GK: variants seen among roughly 807,000 people sequenced by gnomAD.
GK encodes ATP:glycerol 3-phosphotransferase.
A neutral mutation model predicts 56.4 loss-of-function variants in GK; 9 were observed. The observed-to-expected ratio is 0.16, with a 90% CI of 0.10 to 0.28. The LOEUF (loss-of-function observed/expected upper bound fraction) is 0.28. Among genes scored for constraint, GK ranks in the 10% least tolerant of loss-of-function variants. The pLI is 1.00. For synonymous variants in GK, 104 were observed against 144.1 expected (o/e 0.72, Z 1.99); for missense variants, 161 against 431.4 (o/e 0.37, Z 5.55).
intron 11 of GK, among the ~76,000 whole-genome samples, chrX:30,701,272 G>A: frequency 9.0e-6 from 1 of 111,269 alleles, no homozygotes; most frequent in African/African-American, 3.3e-5. Context: ...AGCCGGGCGT[G>A]TTGGTGCATG....
chrX:30,664,872 T>C (rs898643127), intron 1 of GK, among the ~76,000 whole-genome samples: 1 of 108,767 alleles, frequency 9.2e-6, no homozygotes, highest in South Asian at 4.0e-4. Flanking sequence ...CCTGGCTAAT[T>C]TTTTGTGTTT....
intron 1 of GK, among the ~76,000 whole-genome samples, chrX:30,656,587 G>C (rs759907167): frequency 9.0e-6 from 1 of 110,821 alleles, no homozygotes; most frequent in Non-Finnish European, 1.9e-5. Flanking sequence ...TCCTCAAACC[G>C]TTATTCAGAA....
chrX:30,720,757 T>C lies in GK; in HGVS notation c.1357+16T>C. On this transcript the variant is annotated intron_variant, in intron 17 of 20. Coordinates refer to ENST00000427190, the MANE Select transcript of GK (RefSeq NM_001205019.2). ...ATACCAGTAGGTTAGTAAGTCTTCATTCCTTTAAACTCCCAGAGTAATGTT... is the reference window on the plus strand; with the variant it reads ...ATACCAGTAGGTTAGTAAGTCTTCACTCCTTTAAACTCCCAGAGTAATGTT... 1 of 1,209,151 alleles carries C rather than the reference T, an allele frequency of 8.3e-7. No homozygotes were observed. Among genetic ancestry groups the C allele is most frequent in the Non-Finnish European group, 1.1e-6 (1 of 892,960 alleles).
chrX:30,699,539 A>T (rs1003734367), intron 9 of GK, among the ~76,000 whole-genome samples: 2 of 106,887 alleles, frequency 1.9e-5, no homozygotes, highest in African/African-American at 6.8e-5. Context: ...TAATTTTGGT[A>T]TTTTTGTGGA....
chrX:30,705,490 C>A (rs1179988552), intron 11 of GK, among the ~76,000 whole-genome samples: 1 of 112,702 alleles, frequency 8.9e-6, no homozygotes, highest in East Asian at 2.8e-4. Context: ...GGGGTCAACC[C>A]CCCTGCCCCT....
At chrX:30,662,829 C>T (rs1569141045) in intron 1 of GK, among the ~76,000 whole-genome samples, 26 of 10,195 alleles carry the variant, frequency 2.6e-3, no homozygotes, top group African/African-American at 6.9e-3. Context: ...CTCTCTCTCT[C>T]TCTCTTTCTT....
At chrX:30,701,076 A>C (rs1266429146) in intron 11 of GK, among the ~76,000 whole-genome samples, 171 bp downstream of exon 11, 1 of 112,556 alleles carries the variant, frequency 8.9e-6, no homozygotes, top group Non-Finnish European at 1.9e-5. Flanking sequence ...AATAAAATAC[A>C]AAATGCCATA....
At chrX:30,675,812 T>G (rs1933853916) in intron 3 of GK, among the ~76,000 whole-genome samples, 1 of 109,632 alleles carries the variant, frequency 9.1e-6, no homozygotes, top group African/African-American at 3.3e-5. Context: ...TTTTTTGAGA[T>G]ACAGTCTCCC....
At chrX:30,725,047 A>T (rs920923290) in intron 19 of GK, among the ~76,000 whole-genome samples, 1 of 109,443 alleles carries the variant, frequency 9.1e-6, no homozygotes, top group Non-Finnish European at 1.9e-5. Flanking sequence ...TGCCCAGCTA[A>T]TTTTTTTGTA....
At chrX:30,709,798 A>G (rs1212713731) in intron 13 of GK, among the ~76,000 whole-genome samples, 1 of 110,866 alleles carries the variant, frequency 9.0e-6, no homozygotes, top group African/African-American at 3.3e-5. Context: ...ATGCTAAAAA[A>G]CCTAGCTCGT....
chrX:30,697,250 A>G (rs1054695612), intron 8 of GK, among the ~76,000 whole-genome samples: 2 of 112,356 alleles, frequency 1.8e-5, no homozygotes, highest in African/African-American at 6.5e-5. Flanking sequence ...CATCATTAAG[A>G]GTCTGTGGTT....
At chrX:30,674,378 A>G (rs766775881) in intron 3 of GK, 5 of 330,483 alleles carry the variant, frequency 1.5e-5, no homozygotes, top group South Asian at 1.3e-4. Flanking sequence ...TGCTGTGCTT[A>G]ATATCTGGAT....
At chrX:30,724,287 T>C in intron 19 of GK, 106 bp downstream of exon 19, 1 of 530,186 alleles carries the variant, frequency 1.9e-6, no homozygotes, top group Non-Finnish European at 3.3e-6. Flanking sequence ...AGAAAAGCAT[T>C]ATCATATGTC....
Position 30,660,252 on chromosome X carries a change from T to C in GK, c.79-5259T>C, listed in dbSNP as rs145465207. On this transcript the variant is annotated intron_variant, in intron 1 of 20. Coordinates refer to ENST00000427190, the MANE Select transcript of GK (RefSeq NM_001205019.2). ...GCAGTAGTAGCAGCAGTGACAGTAGTGGTTACATCTTTTGGGTATATACTG... is the reference window on the plus strand; with the variant it reads ...GCAGTAGTAGCAGCAGTGACAGTAGCGGTTACATCTTTTGGGTATATACTG... 9.7e-3 allele frequency among the ~76,000 whole-genome samples: 1,075 copies of C among 110,480 alleles called. 10 individuals are homozygous for C. Among genetic ancestry groups the C allele is most frequent in the African/African-American group, 0.034 (1,023 of 30,366 alleles).
intron 9 of GK, among the ~76,000 whole-genome samples, chrX:30,698,880 A>AAAAAG (rs1569161575): frequency 1.9e-5 from 2 of 107,520 alleles, no homozygotes; most frequent in Non-Finnish European, 3.8e-5. Flanking sequence ...AAAAAAAAAA[A>AAAAAG]AAAAGAAAAG....
chrX:30,702,105 C>T (rs976170400), intron 11 of GK, among the ~76,000 whole-genome samples: 12 of 109,246 alleles, frequency 1.1e-4, no homozygotes, highest in African/African-American at 3.3e-4. Flanking sequence ...TGCAATGGCG[C>T]GATCTCGGCT....
chrX:30,696,762 T>G (rs1935267140), intron 8 of GK, 79 bp downstream of exon 8: 6 of 765,775 alleles, frequency 7.8e-6, no homozygotes, highest in Non-Finnish European at 1.2e-5. Flanking sequence ...ATTAAAGTTT[T>G]TTTATTACAA....
chrX:30,672,048 C>G (rs1210760891), intron 3 of GK: 1 of 102,207 alleles, frequency 9.8e-6, no homozygotes, highest in East Asian at 3.1e-4. Context: ...GAGGCTGAAG[C>G]AGGAAAAACG....
intron 13 of GK, among the ~76,000 whole-genome samples, chrX:30,717,346 A>G (rs1943775402): frequency 9.1e-6 from 1 of 109,982 alleles, no homozygotes; most frequent in South Asian, 3.9e-4. Flanking sequence ...GATATAGTTC[A>G]TATTCCACAC....
Sources: allele counts gnomAD v4.1 joint callset (sites outside exome capture counted in the v4.1 genomes callset), GRCh38; gene constraint gnomAD v4.1.1; transcripts MANE v1.5; gene names NCBI Gene and HGNC (gene_info 2026-07-23, HGNC 2026-07-21).